NPAS2: variants seen among roughly 807,000 people sequenced by gnomAD.
NPAS2 encodes neuronal PAS domain-containing protein 2.
A neutral mutation model predicts 107.5 loss-of-function variants in NPAS2; 23 were observed. The ratio of observed to expected loss-of-function variants is 0.21; its 90% CI spans 0.15 to 0.30. NPAS2 has a LOEUF of 0.30. Among genes scored for constraint, NPAS2 ranks in the 10% least tolerant of loss-of-function variants. The pLI is 1.00. For synonymous variants in NPAS2, 403 were observed against 417.5 expected, an observed-to-expected ratio of 0.97 and a Z score of 0.42; for missense variants, 756 against 1,043.3, an observed-to-expected ratio of 0.72 and a Z score of 3.79.
chr2:100,988,002 C>T (rs1677873331), intron 16 of NPAS2, 77 bp from the exon 17 acceptor site: 2 of 1,479,002 alleles, frequency 1.4e-6, no homozygotes, highest in East Asian at 4.6e-5. Context: ...CTTACTGGCA[C>T]AGGGAATGCA....
At chr2:100,920,022 C>T (rs1034884974) in intron 2 of NPAS2, among the ~76,000 whole-genome samples, 2 of 152,208 alleles carry the variant, frequency 1.3e-5, no homozygotes, top group African/African-American at 4.8e-5. Context: ...TCCTCCATAT[C>T]GCTTGATGGA....
At position 100,976,993 on chromosome 2, in the gene NPAS2, G is replaced by C. The variant is rs1419529874; in HGVS notation, c.1393-717G>C. On this transcript the variant is annotated intron_variant, in intron 14 of 20. Transcript: ENST00000335681. The surrounding 1 kb of genome is among the most constrained non-coding windows in gnomAD (Gnocchi z 4.1). Reference sequence around the variant, plus strand: ...TTTTTTATATAGGCCCTAGCAACTAGGGGCCGTGTCGGAATAACTTCAGAC... The same window carrying C: ...TTTTTTATATAGGCCCTAGCAACTACGGGCCGTGTCGGAATAACTTCAGAC... 6.6e-6 allele frequency: 1 copy of C among 152,050 alleles called. No individual in the cohort carries two copies. The highest frequency in any genetic ancestry group is 6.5e-5 in the Admixed American group (1 of 15,276). The allele number at this position is 152,050 out of a possible 1,614,324, so 9.4% of individuals were successfully genotyped here.
chr2:100,847,618 C>T (rs1057326537), intron 1 of NPAS2, among the ~76,000 whole-genome samples: 2 of 152,204 alleles, frequency 1.3e-5, no homozygotes, highest in African/African-American at 4.8e-5. Flanking sequence ...GATCCGCCCA[C>T]CTTGGCCTCC....
intron 4 of NPAS2, among the ~76,000 whole-genome samples, chr2:100,933,758 A>G (rs1040645006): frequency 6.6e-6 from 1 of 152,226 alleles, no homozygotes; most frequent in Non-Finnish European, 1.5e-5. Context: ...TTTGGAGTAT[A>G]TGGATATGGC....
intron 16 of NPAS2, 54 bp from the exon 17 acceptor site, chr2:100,988,025 A>G: frequency 6.3e-7 from 1 of 1,585,310 alleles, no homozygotes; most frequent in East Asian, 2.2e-5. Context: ...GGAGGTGCAC[A>G]CTGGTGAGGT....
chr2:100,902,682 C>T (rs1681864266), intron 1 of NPAS2, among the ~76,000 whole-genome samples: 1 of 152,202 alleles, frequency 6.6e-6, no homozygotes, highest in Non-Finnish European at 1.5e-5. Flanking sequence ...GAGCTGGGCA[C>T]TCAGCAGTGG....
In NPAS2 at chr2:100,982,215, C is replaced by G; in HGVS notation, c.1483-16C>G. 2 of 1,613,460 alleles carry G rather than the reference C, an allele frequency of 1.2e-6. No homozygotes were observed. Among genetic ancestry groups the G allele is most frequent in the Non-Finnish European group, 1.7e-6 (2 of 1,179,654 alleles). On this transcript the variant is annotated splice_polypyrimidine_tract_variant and intron_variant, in intron 15 of 20. Transcript: ENST00000335681. ...AACTCTTTCATCTGATTATGTTTTTCGGCTCCACCTTGAAGTTTTCGGCAC... is the reference window on the plus strand; with the variant it reads ...AACTCTTTCATCTGATTATGTTTTTGGGCTCCACCTTGAAGTTTTCGGCAC...
intron 3 of NPAS2, among the ~76,000 whole-genome samples, chr2:100,930,057 A>G (rs1297281000): frequency 1.3e-5 from 2 of 152,252 alleles, no homozygotes; most frequent in Non-Finnish European, 2.9e-5. Flanking sequence ...TAGCTATTAT[A>G]AGAGAGAAAT....
chr2:100,878,787 C>A (rs74263208), intron 1 of NPAS2, among the ~76,000 whole-genome samples: 6 of 152,084 alleles, frequency 3.9e-5, no homozygotes, highest in African/African-American at 1.2e-4. Context: ...AAACGTTCAC[C>A]GCTAATTTTT....
intron 17 of NPAS2, chr2:100,988,756 C>G: frequency 3.3e-6 from 1 of 304,898 alleles, no homozygotes; most frequent in Non-Finnish European, 6.2e-6. Context: ...CTCCAGGCCC[C>G]CACTGCTCCT....
At chr2:100,880,375 G>A (rs191498985) in intron 1 of NPAS2, among the ~76,000 whole-genome samples, 2 of 152,260 alleles carry the variant, frequency 1.3e-5, no homozygotes, top group Admixed American at 6.5e-5. Flanking sequence ...ATATGGAAGC[G>A]ACCCAAGCAC....
intron 7 of NPAS2, among the ~76,000 whole-genome samples, chr2:100,957,482 A>G (rs1675637952): frequency 6.6e-6 from 1 of 152,252 alleles, no homozygotes; most frequent in South Asian, 2.1e-4. Flanking sequence ...CAACAACAAA[A>G]GAGAGATGCT....
At chr2:100,988,926 T>C in intron 17 of NPAS2, 1 of 193,074 alleles carries the variant, frequency 5.2e-6, no homozygotes, top group Non-Finnish European at 9.6e-6. Context: ...CAGGTCCCCC[T>C]GCTCCTCCAG....
At chr2:100,854,801 C>T (rs1308111527) in intron 1 of NPAS2, among the ~76,000 whole-genome samples, 1 of 152,194 alleles carries the variant, frequency 6.6e-6, no homozygotes, top group Admixed American at 6.5e-5. Context: ...CCTGCTGCTT[C>T]GTTTGGTGAT....
In NPAS2 at chr2:100,942,264, G is replaced by C. The variant is rs145234277; in HGVS notation, c.363+4422G>C. On this transcript the variant is annotated intron_variant, in intron 5 of 20. Transcript: ENST00000335681. The stretch of plus-strand genomic sequence containing the variant: ...CTGTGGCAGGGGCACAGCAGGAGGA[G>C]ATCCCAGGAAAGGAAAGCCAAAGCC... Among the ~76,000 whole-genome samples, 413 of 152,258 alleles carry C rather than the reference G, an allele frequency of 2.7e-3. 3 individuals carry two copies. The highest frequency in any genetic ancestry group is 9.6e-3 in the African/African-American group (399 of 41,556).
intron 1 of NPAS2, chr2:100,877,927 C>T (rs1230200534): frequency 1.0e-6 from 1 of 968,886 alleles, no homozygotes; most frequent in African/African-American, 1.8e-5. Context: ...AATTATCAAA[C>T]AGTAAACATG....
intron 18 of NPAS2, 149 bp from the exon 19 acceptor site, chr2:100,990,631 C>G (rs544481307): frequency 1.1e-6 from 1 of 950,054 alleles, no homozygotes; most frequent in Admixed American, 2.1e-5. Context: ...TTACCCGCTG[C>G]GTCCATCATC....
At chr2:100,834,975 A>G (rs1355299912) in intron 1 of NPAS2, among the ~76,000 whole-genome samples, 1 of 152,204 alleles carries the variant, frequency 6.6e-6, no homozygotes, top group Non-Finnish European at 1.5e-5. Context: ...TTGGCCTCCC[A>G]AAGTGCTGGG....
intron 5 of NPAS2, among the ~76,000 whole-genome samples, chr2:100,943,866 G>A (rs1674728969): frequency 6.6e-6 from 1 of 152,134 alleles, no homozygotes; most frequent in Non-Finnish European, 1.5e-5. Context: ...AGATGCCAAG[G>A]CAGCATATAA....
Sources: allele counts gnomAD v4.1 joint callset (sites outside exome capture counted in the v4.1 genomes callset), GRCh38; gene constraint gnomAD v4.1.1; non-coding constraint Gnocchi (gnomAD v3.1); transcripts MANE v1.5; gene names NCBI Gene and HGNC (gene_info 2026-07-23, HGNC 2026-07-21).